Variants in STK39 observed in about 807,000 individuals in gnomAD.
STK39 encodes the protein STE20/SPS1-related proline-alanine-rich protein kinase.
STK39 carries 20 observed loss-of-function variants against 77.8 expected under a neutral mutation model. That is an observed-to-expected ratio of 0.26 (90% confidence interval 0.18 to 0.37). STK39 has a LOEUF of 0.37. Ranked by LOEUF, STK39 falls within the 10% of genes least tolerant of loss-of-function variation. STK39 has a pLI of 1.00. For missense variants in STK39, 479 were observed against 656.5 expected (o/e 0.73, Z 2.95); for synonymous variants, 246 against 234.1 (o/e 1.05, Z -0.47).
chr2:168,014,892 C>T (rs778897197), intron 15 of STK39, among the ~76,000 whole-genome samples: 1 of 152,122 alleles, frequency 6.6e-6, no homozygotes, highest in Non-Finnish European at 1.5e-5. Flanking sequence ...TAAAACAGTA[C>T]CAAAATGATT....
intron 1 of STK39, among the ~76,000 whole-genome samples, chr2:168,235,212 G>A (rs1342519098): frequency 6.6e-6 from 1 of 151,962 alleles, no homozygotes; most frequent in East Asian, 1.9e-4. Flanking sequence ...TAATCATTCT[G>A]TATTTTTAGT....
chr2:168,162,286 C>A (rs1381707838), intron 4 of STK39, among the ~76,000 whole-genome samples: 56 of 85,690 alleles, frequency 6.5e-4, no homozygotes, highest in South Asian at 1.4e-3. Context: ...AACTTGGTCT[C>A]AAAAAAAAAA....
intron 10 of STK39, among the ~76,000 whole-genome samples, chr2:168,122,596 T>C (rs556423023): frequency 6.6e-6 from 1 of 152,014 alleles, no homozygotes; most frequent in Non-Finnish European, 1.5e-5. Flanking sequence ...CACACCACCA[T>C]GCCCAGCTAA....
At chr2:168,178,527 TC>T (rs1342005061) in intron 2 of STK39, among the ~76,000 whole-genome samples, 1 of 152,192 alleles carries the variant, frequency 6.6e-6, no homozygotes. Flanking sequence ...CCAAAAGTCA[TC>T]CTTTTGATGG....
intron 16 of STK39, among the ~76,000 whole-genome samples, chr2:167,967,836 C>T (rs894892400): frequency 1.3e-5 from 2 of 149,274 alleles, no homozygotes; most frequent in Non-Finnish European, 2.9e-5. Flanking sequence ...GGTTCATATG[C>T]GGGCTTTTTA....
chr2:168,150,249 G>A (rs1226482927), intron 5 of STK39, among the ~76,000 whole-genome samples: 1 of 152,212 alleles, frequency 6.6e-6, no homozygotes, highest in Non-Finnish European at 1.5e-5. Flanking sequence ...GGCAGTCGAG[G>A]AAGCGTAGCA....
intron 1 of STK39, among the ~76,000 whole-genome samples, chr2:168,204,683 C>T (rs1485400649): frequency 6.6e-6 from 1 of 152,166 alleles, no homozygotes; most frequent in Non-Finnish European, 1.5e-5. Flanking sequence ...TTTTTCTTTC[C>T]CTCTAAAGAT....
intron 14 of STK39, among the ~76,000 whole-genome samples, chr2:168,040,860 T>A (rs1024617981): frequency 2.0e-5 from 3 of 152,212 alleles, no homozygotes; most frequent in African/African-American, 7.2e-5. Context: ...CAGCACTGCC[T>A]TGTTATAGAG....
At chr2:168,099,775 C>T (rs549845929) in intron 10 of STK39, among the ~76,000 whole-genome samples, 3 of 152,224 alleles carry the variant, frequency 2.0e-5, no homozygotes, top group African/African-American at 7.2e-5. Flanking sequence ...TGCCCATGTG[C>T]AGTGAACAAA....
intron 3 of STK39, among the ~76,000 whole-genome samples, chr2:168,165,230 A>G (rs1257838173): frequency 6.6e-6 from 1 of 152,194 alleles, no homozygotes; most frequent in Non-Finnish European, 1.5e-5. Flanking sequence ...ACGTCTGCCC[A>G]CGTCCTTACC....
intron 2 of STK39, among the ~76,000 whole-genome samples, chr2:168,171,862 T>TC (rs200147918): frequency 1.4e-5 from 1 of 69,460 alleles, no homozygotes; most frequent in Non-Finnish European, 3.1e-5. Context: ...CACTCCCCCC[T>TC]CCCCCCCACA....
At chr2:167,965,629 A>G (rs1692136149) in intron 16 of STK39, among the ~76,000 whole-genome samples, 1 of 152,186 alleles carries the variant, frequency 6.6e-6, no homozygotes, top group South Asian at 2.1e-4. Context: ...AATAAGGGCT[A>G]TTGCTTAGGG....
chr2:168,144,274 T>A (rs568699067), intron 5 of STK39, among the ~76,000 whole-genome samples: 2 of 152,154 alleles, frequency 1.3e-5, no homozygotes, highest in Non-Finnish European at 2.9e-5. Context: ...CTGGGCCTTA[T>A]TGGGCTTCTT....
intron 10 of STK39, among the ~76,000 whole-genome samples, chr2:168,125,971 C>A (rs1318716596): frequency 1.3e-5 from 2 of 152,152 alleles, no homozygotes; most frequent in Non-Finnish European, 2.9e-5. Context: ...AATACCAGCC[C>A]CTCTTCTCCT....
At chr2:168,193,993 A>G (rs1689408661) in intron 1 of STK39, among the ~76,000 whole-genome samples, 1 of 152,232 alleles carries the variant, frequency 6.6e-6, no homozygotes, top group African/African-American at 2.4e-5. Context: ...GGAAAAGCAG[A>G]TGCCTCGGCG....
intron 1 of STK39, among the ~76,000 whole-genome samples, chr2:168,194,697 C>T (rs1387211095): frequency 1.3e-5 from 2 of 152,138 alleles, no homozygotes; most frequent in Non-Finnish European, 2.9e-5. Flanking sequence ...ATACCTCAAA[C>T]ATTATGGGTA....
At chr2:168,135,376 G>T (rs990456669) in intron 8 of STK39, among the ~76,000 whole-genome samples, 1 of 152,134 alleles carries the variant, frequency 6.6e-6, no homozygotes, top group South Asian at 2.1e-4. Context: ...TCCTCACAGC[G>T]ATCCTATGAA....
At chr2:168,034,401 T>C (rs1457862031) in intron 14 of STK39, among the ~76,000 whole-genome samples, 3 of 152,194 alleles carry the variant, frequency 2.0e-5, no homozygotes, top group East Asian at 1.9e-4. Flanking sequence ...AAGAGCCAAG[T>C]TCATGTGAAG....
chr2:168,177,840 AG>A (rs1282729053), intron 2 of STK39, among the ~76,000 whole-genome samples: 2 of 152,216 alleles, frequency 1.3e-5, no homozygotes, highest in Non-Finnish European at 2.9e-5. Context: ...ATTGGAAAGC[AG>A]GAACTCCCTC....
Sources: allele counts gnomAD v4.1 joint callset (sites outside exome capture counted in the v4.1 genomes callset), GRCh38; gene constraint gnomAD v4.1.1; transcripts MANE v1.5; gene names NCBI Gene and HGNC (gene_info 2026-07-23, HGNC 2026-07-21).